Variants in MYO16 observed in about 807,000 individuals in gnomAD.
The protein encoded by MYO16 is unconventional myosin-XVI.
MYO16 carries 94 observed loss-of-function variants against 205.3 expected under a neutral mutation model. That is an observed-to-expected ratio of 0.46 (90% CI 0.39 to 0.54). The LOEUF (loss-of-function observed/expected upper bound fraction) is 0.54, where lower values mean the gene tolerates loss of function less well. Ranked by LOEUF, MYO16 falls within the 20% of genes least tolerant of loss-of-function variation. MYO16 has a pLI of 0.00. For missense variants in MYO16, 2,315 were observed against 2,387.5 expected (o/e 0.97, Z 0.63); for synonymous variants, 988 against 954.0 (o/e 1.04, Z -0.66).
chr13:109,007,892 C>T (rs1001195425), intron 21 of MYO16, among the ~76,000 whole-genome samples: 8 of 152,200 alleles, frequency 5.3e-5, no homozygotes, highest in East Asian at 3.9e-4. Context: ...ATCACTAATA[C>T]GCAATCAGAA....
At chr13:108,868,756 A>G (rs1878851057) in intron 12 of MYO16, among the ~76,000 whole-genome samples, 1 of 151,924 alleles carries the variant, frequency 6.6e-6, no homozygotes, top group African/African-American at 2.4e-5. Flanking sequence ...CCCCATCTCT[A>G]CTAAAAATAC....
intron 28 of MYO16, among the ~76,000 whole-genome samples, chr13:109,113,707 TGAC>T (rs1482522655): frequency 6.6e-6 from 1 of 152,064 alleles, no homozygotes; most frequent in African/African-American, 2.4e-5. Flanking sequence ...GATGAGGTGA[TGAC>T]GACTCCATTA....
At chr13:108,984,756 G>A (rs1799587154) in intron 20 of MYO16, among the ~76,000 whole-genome samples, 2 of 152,096 alleles carry the variant, frequency 1.3e-5, no homozygotes, top group African/African-American at 4.8e-5. Context: ...CCTCAGGTTT[G>A]TCAAAAACCA....
Position 108,808,845 on chromosome 13 carries a change from C to T in MYO16, c.867+2041C>T, listed in dbSNP as rs563230806. Among the ~76,000 whole-genome samples, 234 of 152,240 alleles carry T rather than the reference C, an allele frequency of 1.5e-3. 1 individual carries two copies. Among genetic ancestry groups the T allele is most frequent in the African/African-American group, 5.5e-3 (229 of 41,530 alleles). On this transcript the variant is annotated intron_variant, in intron 7 of 34. Coordinates refer to ENST00000457511, the MANE Select transcript of MYO16 (RefSeq NM_001198950.3). ...TATGCCACACATGATACATGCCATG[C>T]GTCAGTGGTAGAGGAAACATAAGCC... is the stretch of plus-strand genomic sequence containing the variant.
chr13:108,640,616 C>T (rs1473083696), intron 1 of MYO16, among the ~76,000 whole-genome samples: 1 of 152,106 alleles, frequency 6.6e-6, no homozygotes, highest in African/African-American at 2.4e-5. Context: ...GAAAGTGAAA[C>T]CCATCTATCC....
At chr13:108,672,712 G>T (rs1882042742) in intron 2 of MYO16, among the ~76,000 whole-genome samples, 1 of 152,002 alleles carries the variant, frequency 6.6e-6, no homozygotes, top group Non-Finnish European at 1.5e-5. Flanking sequence ...TTTCTTTTAA[G>T]GCTGTAAATT....
chr13:108,796,035 T>A (rs1343393575), intron 6 of MYO16, among the ~76,000 whole-genome samples: 1 of 152,114 alleles, frequency 6.6e-6, no homozygotes, highest in African/African-American at 2.4e-5. Flanking sequence ...TGTGGTGTGC[T>A]TGGGAAACAG....
chr13:108,728,570 G>A (rs1884419098), intron 4 of MYO16, among the ~76,000 whole-genome samples: 1 of 152,158 alleles, frequency 6.6e-6, no homozygotes, highest in Non-Finnish European at 1.5e-5. Context: ...CCTAGTTACA[G>A]TGACCCCTGC....
At chr13:108,580,624 A>G in the MYO16 span, among the ~76,000 whole-genome samples, 1 of 152,236 alleles carries the variant, frequency 6.6e-6, no homozygotes, top group African/African-American at 2.4e-5. Context: ...TTAAATTTAA[A>G]CTATAACAAG....
chr13:108,839,099 C>T (rs908645141), intron 9 of MYO16, among the ~76,000 whole-genome samples: 5 of 152,010 alleles, frequency 3.3e-5, no homozygotes, highest in Admixed American at 3.3e-4. Context: ...TGAGTGCCTC[C>T]TTGCTGAGGG....
the MYO16 span, among the ~76,000 whole-genome samples, chr13:108,540,810 C>T: frequency 2.0e-5 from 3 of 152,048 alleles, no homozygotes; most frequent in Admixed American, 6.6e-5. Flanking sequence ...AAGTGCAAAG[C>T]TTCATGTTTT....
At chr13:108,594,232 G>A (rs186292210), upstream of MYO16, among the ~76,000 whole-genome samples, 245 of 152,276 alleles carry the variant, frequency 1.6e-3, no homozygotes, top group African/African-American at 5.1e-3. Flanking sequence ...CCAACCCACA[G>A]AATATCCCAC....
chr13:108,803,924 GA>G (rs1342545785), intron 6 of MYO16, among the ~76,000 whole-genome samples: 3 of 152,080 alleles, frequency 2.0e-5, no homozygotes, highest in African/African-American at 7.2e-5. Flanking sequence ...ACAGAAATAA[GA>G]AAAAAATTAT....
In MYO16 at chr13:108,962,485, A is replaced by G. The variant is rs763426428; in HGVS notation, c.2217A>G (p.Gln739=). 17 of 1,578,760 alleles carry G rather than the reference A, an allele frequency of 1.1e-5. 1 individual carries two copies. Among genetic ancestry groups the G allele is most frequent in the Admixed American group, 9.7e-5 (5 of 51,346 alleles). ...ELASALTTDI[Q]YFKGDMIIRR... ...CATCTGCCTTAACAACTGATATTCAATATTTTAAAGGTAATTTTTTTATGC... is the reference window on the plus strand; with the variant it reads ...CATCTGCCTTAACAACTGATATTCAGTATTTTAAAGGTAATTTTTTTATGC... Residue 739 remains glutamine (Q), a synonymous_variant, in exon 19 of 35, where the codon CAA becomes CAG. Coordinates refer to ENST00000457511, the MANE Select transcript of MYO16 (RefSeq NM_001198950.3).
At chr13:108,904,730 C>T (rs1451232809) in intron 15 of MYO16, among the ~76,000 whole-genome samples, 1 of 152,108 alleles carries the variant, frequency 6.6e-6, no homozygotes, top group Non-Finnish European at 1.5e-5. Flanking sequence ...CTTGTCTTTC[C>T]CATTGACTTC....
intron 21 of MYO16, among the ~76,000 whole-genome samples, chr13:109,002,945 T>G (rs960422849): frequency 6.6e-6 from 1 of 152,222 alleles, no homozygotes; most frequent in African/African-American, 2.4e-5. Flanking sequence ...GATATGTTCC[T>G]ATTGTTAACC....
chr13:108,611,985 T>TTTTTTTTTTTTTTC (rs1879192377), intron 1 of MYO16, among the ~76,000 whole-genome samples: 2 of 142,982 alleles, frequency 1.4e-5, no homozygotes, highest in Non-Finnish European at 3.1e-5. Flanking sequence ...TTTTTTTTTT[T>TTTTTTTTTTTTTTC]TTTTTTTTGA....
chr13:108,634,004 C>T (rs114769118), intron 1 of MYO16, among the ~76,000 whole-genome samples: 1,967 of 152,242 alleles, frequency 0.013, 40 homozygotes, highest in African/African-American at 0.044. Flanking sequence ...TGACGAATAC[C>T]TACCCAAGGT....
rs992879695 is a variant in MYO16, at chr13:109,197,220, G to A, written c.5416-9389G>A. ...CACCCCATGTGATTTCAGAGCAGCC[G>A]AGCATTTTTAATAAGTTCCCAGAGC... On this transcript the variant is annotated intron_variant, in intron 34 of 34. Coordinates refer to ENST00000457511, the MANE Select transcript of MYO16 (RefSeq NM_001198950.3). 3.9e-5 allele frequency among the ~76,000 whole-genome samples: 6 copies of A among 152,156 alleles called. No individual in the cohort carries two copies. The South Asian group carries it at 8.3e-4, about 21-fold the overall frequency.
Sources: gnomAD v4.1 joint callset for allele counts (sites outside exome capture counted in the v4.1 genomes callset) on GRCh38, gnomAD v4.1.1 for gene constraint, MANE v1.5 for transcripts, NCBI Gene and HGNC (gene_info 2026-07-23, HGNC 2026-07-21) for gene names.